HTT: variants seen among roughly 807,000 people sequenced by gnomAD.
HTT encodes the protein huntington disease protein.
A neutral mutation model predicts 362.3 loss-of-function variants in HTT; 104 were observed. That is an observed-to-expected ratio of 0.29 (90% confidence interval 0.24 to 0.34). The LOEUF is 0.34. Ranked by LOEUF, HTT falls within the 10% of genes least tolerant of loss-of-function variation. The probability of loss-of-function intolerance (pLI) is 1.00; values close to 1 mark genes in which losing one functional copy is unlikely to be tolerated. For missense variants in HTT, 3,301 were observed against 3,928.6 expected (o/e 0.84, Z 4.27); for synonymous variants, 1,577 against 1,548.7 (o/e 1.02, Z -0.43).
intron 25 of HTT, among the ~76,000 whole-genome samples, chr4:3,147,407 G>A (rs918840110): frequency 2.0e-5 from 3 of 152,160 alleles, no homozygotes; most frequent in Non-Finnish European, 2.9e-5. Context: ...CACGGAGAGG[G>A]TGTAGCACCT....
intron 53 of HTT, among the ~76,000 whole-genome samples, chr4:3,221,156 C>G (rs1446751838): frequency 6.6e-6 from 1 of 152,170 alleles, no homozygotes; most frequent in African/African-American, 2.4e-5. Flanking sequence ...CTGTCCAGTC[C>G]TCTCCCCAGT....
chr4:3,095,686 G>A (rs1713821751), intron 2 of HTT, among the ~76,000 whole-genome samples: 2 of 152,198 alleles, frequency 1.3e-5, no homozygotes, highest in South Asian at 4.1e-4. Context: ...AATTTATGCT[G>A]CATGTGAAAT....
At chr4:3,103,277 TGCAATGGCGTGATCTTG>T (rs1714253410) in intron 3 of HTT, among the ~76,000 whole-genome samples, 1 of 139,664 alleles carries the variant, frequency 7.2e-6, no homozygotes, top group Admixed American at 8.0e-5. Flanking sequence ...CAGGCTGGAG[TGCAATGGCGTGATCTTG>T]GCTCACTGCA....
chr4:3,084,702 A>C (rs1713107622), intron 1 of HTT, among the ~76,000 whole-genome samples: 3 of 149,562 alleles, frequency 2.0e-5, no homozygotes, highest in South Asian at 4.2e-4. Context: ...AAAAAAAAAA[A>C]CCAAGATCAA....
chr4:3,152,345 G>T (rs527405776), intron 26 of HTT, among the ~76,000 whole-genome samples: 2 of 152,122 alleles, frequency 1.3e-5, no homozygotes, highest in Non-Finnish European at 2.9e-5. Flanking sequence ...TGATTAGCCC[G>T]CCTCGGCCTC....
intron 59 of HTT, 123 bp downstream of exon 59, chr4:3,229,132 AACAC>A (rs962297927): frequency 7.5e-6 from 7 of 929,948 alleles, no homozygotes; most frequent in African/African-American, 1.7e-5. Flanking sequence ...TCATGCATGC[AACAC>A]ACACACAGGC....
At chr4:3,188,040 C>T in intron 39 of HTT, 154 bp downstream of exon 39, 1 of 602,006 alleles carries the variant, frequency 1.7e-6, no homozygotes, top group East Asian at 2.8e-5. Flanking sequence ...ATCCGTCCTG[C>T]ATTATCTATG....
chr4:3,127,262 A>G lies in HTT; in HGVS notation c.1403-2A>G. On this transcript the variant is annotated splice_acceptor_variant, in intron 11 of 66. Coordinates refer to ENST00000355072, the MANE Select transcript of HTT (RefSeq NM_001388492.1). LOFTEE classifies it high-confidence loss of function. Reference sequence around the variant, plus strand: ...GACAAATGAGTGTTTCTCTGTCTTCAGCCTCAGTGAAGGATGAGATCAGTG... The same window carrying G: ...GACAAATGAGTGTTTCTCTGTCTTCGGCCTCAGTGAAGGATGAGATCAGTG... 4 of 1,606,422 alleles carry G rather than the reference A, an allele frequency of 2.5e-6. No individual in the cohort carries two copies. Among genetic ancestry groups the G allele is most frequent in the Non-Finnish European group, 3.4e-6 (4 of 1,173,248 alleles).
chr4:3,099,233 C>T (rs1714021416), intron 2 of HTT, 41 bp from the exon 3 acceptor site: 3 of 1,404,906 alleles, frequency 2.1e-6, no homozygotes, highest in Non-Finnish European at 3.0e-6. Context: ...GTCATGTCAC[C>T]TTAGGCTCCT....
intron 64 of HTT, among the ~76,000 whole-genome samples, chr4:3,237,506 A>C (rs901324067): frequency 6.6e-6 from 1 of 152,058 alleles, no homozygotes; most frequent in African/African-American, 2.4e-5. Context: ...CTTGTGGTCT[A>C]GTGGGCCCAA....
Position 3,134,726 on chromosome 4 carries a change from A to G in HTT, c.2633+186A>G, listed in dbSNP as rs186406942. 1.6e-4 allele frequency among the ~76,000 whole-genome samples: 25 copies of G among 152,028 alleles called. 1 individual carries two copies. The highest frequency in any genetic ancestry group is 1.6e-3 in the Admixed American group (24 of 15,272). ...AACTTTGCCCTATGCTTGGAATTTT[A>G]TTTTATTTTATTATTTATTTAGAGA... On this transcript the variant is annotated intron_variant, in intron 19 of 66. Transcript: ENST00000355072.
intron 2 of HTT, among the ~76,000 whole-genome samples, chr4:3,093,905 G>GCTT (rs1255170353): frequency 4.2e-5 from 1 of 23,898 alleles, no homozygotes; most frequent in African/African-American, 1.5e-4. Context: ...CTTTAAGTTG[G>GCTT]TTTTTTTTTT....
At chr4:3,209,059 G>T (rs992546390) in intron 46 of HTT, 148 bp downstream of exon 46, 2 of 871,420 alleles carry the variant, frequency 2.3e-6, no homozygotes, top group Non-Finnish European at 3.4e-6. Flanking sequence ...TTAGAGACGT[G>T]GGGGGCCATC....
chr4:3,085,645 G>T (rs1713169000), intron 1 of HTT, among the ~76,000 whole-genome samples: 1 of 152,230 alleles, frequency 6.6e-6, no homozygotes, highest in Non-Finnish European at 1.5e-5. Flanking sequence ...GAAGGAATTA[G>T]TTTTAGTTTC....
intron 6 of HTT, among the ~76,000 whole-genome samples, chr4:3,109,489 T>C (rs931892235): frequency 6.6e-6 from 1 of 152,186 alleles, no homozygotes; most frequent in Non-Finnish European, 1.5e-5. Flanking sequence ...CCTCCCAAAG[T>C]GCTGGGATTA....
At chr4:3,222,572 G>T in intron 54 of HTT, 85 bp downstream of exon 54, 1 of 977,204 alleles carries the variant, frequency 1.0e-6, no homozygotes, top group Non-Finnish European at 1.6e-6. Context: ...AAGGCAGCAA[G>T]CTGGTGTTCT....
Position 3,206,151 on chromosome 4 carries a change from C to T in HTT, c.5719-345C>T, listed in dbSNP as rs532686433. Among the ~76,000 whole-genome samples the T allele has an allele frequency of 2.3e-4, 35 of 152,340 alleles. No individual in the cohort carries two copies. Among genetic ancestry groups the T allele is most frequent in the Admixed American group, 1.4e-3 (22 of 15,308 alleles). ...AGTGCTGTGGATGGGGTCATCCCAG[C>T]GCAACGCTGCCCCTGCTACCTGCGG... On this transcript the variant is annotated intron_variant, in intron 42 of 66. Coordinates refer to ENST00000355072, the MANE Select transcript of HTT (RefSeq NM_001388492.1). This position sits in a 1 kb window ranked among gnomAD's most constrained non-coding sequence, Gnocchi z 4.6.
At chr4:3,220,152 G>GA in intron 52 of HTT, 30 bp from the exon 53 acceptor site, 1 of 1,613,666 alleles carries the variant, frequency 6.2e-7, no homozygotes, top group Non-Finnish European at 8.5e-7. Flanking sequence ...ACTCAACTCG[G>GA]ATGATGTCAC....
chr4:3,148,238 C>T (rs1716703909), intron 26 of HTT, 31 bp downstream of exon 26: 2 of 1,479,740 alleles, frequency 1.4e-6, no homozygotes, highest in African/African-American at 1.4e-5. Flanking sequence ...TGGATTCATA[C>T]AGCCTTAATG....
Sources: gnomAD v4.1 joint callset for allele counts (sites outside exome capture counted in the v4.1 genomes callset) on GRCh38, gnomAD v4.1.1 for gene constraint, Gnocchi (gnomAD v3.1) non-coding constraint, MANE v1.5 for transcripts, NCBI Gene and HGNC (gene_info 2026-07-23, HGNC 2026-07-21) for gene names.